Variants in NHSL1 observed in about 807,000 individuals in gnomAD.
NHSL1 encodes the protein NHS like 1.
Under a neutral mutation model 95.0 loss-of-function variants are expected in NHSL1, and 48 were observed. That is an observed-to-expected ratio of 0.51 (90% CI 0.40 to 0.64). The LOEUF is 0.64. Ranked by LOEUF, NHSL1 falls within the 30% of genes least tolerant of loss-of-function variation. NHSL1 has a pLI of 0.00. For synonymous variants in NHSL1, 783 were observed against 833.9 expected (o/e 0.94, Z 1.05); for missense variants, 1,971 against 2,077.7 (o/e 0.95, Z 1.00).
chr6:138,663,431 T>C (rs1346934984), intron 1 of NHSL1, among the ~76,000 whole-genome samples: 1 of 151,364 alleles, frequency 6.6e-6, no homozygotes, highest in Non-Finnish European at 1.5e-5. Flanking sequence ...TGGTGGTGCA[T>C]GCCTGTAATC....
rs148910349 is a variant in NHSL1, at chr6:138,431,135, C to T, written c.3210G>A (p.Thr1070=). 4.7e-4 allele frequency: 732 copies of T among 1,551,704 alleles called. 9 individuals carry two copies. In the East Asian group the frequency reaches 0.015, roughly 33 times the overall value. Residue 1070 remains threonine, a synonymous_variant, in exon 6 of 8, where the codon ACG becomes ACA. Coordinates refer to ENST00000343505, the MANE Select transcript of NHSL1 (RefSeq NM_001144060.2). This position sits in a 1 kb window ranked among gnomAD's most constrained non-coding sequence, Gnocchi z 4.0. ...TCAACTGCACCATCTGCAATGCTTCCGTGGTTATCAGGGGCATGGGGGGCC... is the reference window on the plus strand; with the variant it reads ...TCAACTGCACCATCTGCAATGCTTCTGTGGTTATCAGGGGCATGGGGGGCC... ...TSRPPMPLIT[T]EALQMVQLRP...
chr6:138,512,293 G>A (rs552540405), intron 1 of NHSL1: 185 of 455,522 alleles, frequency 4.1e-4, no homozygotes, highest in Admixed American at 6.4e-4. Flanking sequence ...TGCACCCCAC[G>A]GGAAAGAGGA....
At position 138,432,230 on chromosome 6, in the gene NHSL1, C is replaced by A; in HGVS notation, c.2115G>T (p.Gln705His). 6.5e-7 allele frequency: 1 copy of A among 1,548,540 alleles called. No individual in the cohort carries two copies. The highest frequency in any genetic ancestry group is 1.4e-5 in the African/African-American group (1 of 73,038). The change falls in exon 6 of 8, where the codon CAG (glutamine) becomes CAT (histidine). Residue 705 changes from glutamine to histidine, a missense_variant. Around this residue, in one of 3 missense-constraint regions of NHSL1, gnomAD observed 1,602 missense variants for 1,654.5 expected, o/e 0.97. Transcript: ENST00000343505. The surrounding 1 kb of genome is among the most constrained non-coding windows in gnomAD (Gnocchi z 4.4). Reference sequence around the variant, plus strand: ...CTGGGAGGCTCAGCTGCAGCGAGTGCTGGAGTGTGGCGATCAGGCTCTCGT... The same window carrying A: ...CTGGGAGGCTCAGCTGCAGCGAGTGATGGAGTGTGGCGATCAGGCTCTCGT... ...VLNESLIATL[Q>H]HSLQLSLPGK...
chr6:138,557,915 C>T (rs917544325), intron 1 of NHSL1, among the ~76,000 whole-genome samples: 9 of 152,166 alleles, frequency 5.9e-5, no homozygotes, highest in Non-Finnish European at 1.2e-4. Context: ...TGTAAACAGG[C>T]TCTGGGTGTA....
chr6:138,573,957 G>A (rs1783922488), upstream of NHSL1, among the ~76,000 whole-genome samples: 1 of 150,742 alleles, frequency 6.6e-6, no homozygotes, highest in Non-Finnish European at 1.5e-5. Context: ...TCTTTTTTTT[G>A]AGACAGAGTC....
upstream of NHSL1, among the ~76,000 whole-genome samples, chr6:138,546,964 C>T (rs77069033): frequency 0.095 from 14,510 of 152,242 alleles, 735 homozygotes; most frequent in East Asian, 0.14. Flanking sequence ...TAAGTGGCCC[C>T]GTGGTCCTTC....
intron 1 of NHSL1, among the ~76,000 whole-genome samples, chr6:138,552,932 G>A (rs992398713): frequency 1.3e-5 from 2 of 152,206 alleles, no homozygotes; most frequent in East Asian, 1.9e-4. Context: ...TGGCTGAGAT[G>A]TTTCTTTGAG....
intron 1 of NHSL1, among the ~76,000 whole-genome samples, chr6:138,632,879 G>A (rs1270487155): frequency 6.6e-6 from 1 of 152,032 alleles, no homozygotes; most frequent in Non-Finnish European, 1.5e-5. Context: ...AAGCACCAGG[G>A]ACCAATCCTG....
chr6:138,661,665 TAA>T (rs1204471376), intron 1 of NHSL1, among the ~76,000 whole-genome samples: 1 of 129,112 alleles, frequency 7.7e-6, no homozygotes. Context: ...TTGTCTCAAA[TAA>T]AAAAAAAAAA....
intron 1 of NHSL1, among the ~76,000 whole-genome samples, chr6:138,585,185 G>C (rs1486627580): frequency 5.3e-5 from 8 of 152,228 alleles, no homozygotes; most frequent in Admixed American, 3.9e-4. Flanking sequence ...GGCTAGGCTG[G>C]AAGCAGATGA....
rs543086419 is a variant in NHSL1 at position 138,439,852 on chromosome 6, C to T, written c.664+2131G>A. On this transcript the variant is annotated intron_variant, in intron 5 of 7. Transcript: ENST00000343505. ...CCATGTCACATGTAAAAGAAATGAA[C>T]GTGGATTCCAGAGATTTTAATCACT... 1.1e-4 allele frequency among the ~76,000 whole-genome samples: 17 copies of T among 151,932 alleles called. No homozygotes were observed. In the South Asian group the frequency reaches 3.3e-3, roughly 30 times the overall value.
intron 1 of NHSL1, among the ~76,000 whole-genome samples, chr6:138,566,035 T>C (rs187423139): frequency 3.3e-5 from 5 of 151,968 alleles, no homozygotes; most frequent in African/African-American, 1.2e-4. Context: ...TGGAAATATA[T>C]TTTATAATAA....
rs1330738008 is a variant in NHSL1, at chr6:138,431,457, G to C, written c.2888C>G (p.Ser963Cys). 1 of 1,551,120 alleles carries C rather than the reference G, an allele frequency of 6.4e-7. No homozygotes were observed. ...GAACACAGGAGAGTGAGGCAGAGGA[G>C]AGCCCTGGGAGCAATCTGTGACAGG... ...PPPVTDCSQG[S>C]PLPHSPVFPP... The change falls in exon 6 of 8, where the codon TCT becomes TGT. Residue 963 changes from serine to cysteine, a missense_variant. By Grantham distance (112) the Ser-to-Cys change is moderately radical. Around this residue, in one of 3 missense-constraint regions of NHSL1, gnomAD observed 1,602 missense variants for 1,654.5 expected, o/e 0.97. Coordinates refer to ENST00000343505, the MANE Select transcript of NHSL1 (RefSeq NM_001144060.2). This position sits in a 1 kb window ranked among gnomAD's most constrained non-coding sequence, Gnocchi z 4.0.
intron 1 of NHSL1, among the ~76,000 whole-genome samples, chr6:138,677,681 T>C (rs1019437218): frequency 1.2e-4 from 18 of 152,160 alleles, no homozygotes; most frequent in African/African-American, 4.1e-4. Context: ...TGCTAAGGTG[T>C]CTACGCAGAT....
At chr6:138,610,261 A>C (rs1227280737) in intron 1 of NHSL1, among the ~76,000 whole-genome samples, 1 of 152,132 alleles carries the variant, frequency 6.6e-6, no homozygotes. Context: ...GAGTCCAGAG[A>C]TCATCATTCT....
chr6:138,543,302 G>A (rs1202156858), intron 1 of NHSL1, among the ~76,000 whole-genome samples: 1 of 152,166 alleles, frequency 6.6e-6, no homozygotes, highest in Admixed American at 6.5e-5. Context: ...ACAAAATGCA[G>A]TTGGGAGAAG....
At chr6:138,506,050 C>T (rs1444815631) in intron 1 of NHSL1, among the ~76,000 whole-genome samples, 3 of 152,118 alleles carry the variant, frequency 2.0e-5, no homozygotes, top group Admixed American at 6.5e-5. Flanking sequence ...CTCATTGAAA[C>T]ATTGGAAAAC....
intron 1 of NHSL1, among the ~76,000 whole-genome samples, chr6:138,647,749 C>T (rs117801157): frequency 0.045 from 6,842 of 151,890 alleles, 211 homozygotes; most frequent in South Asian, 0.067. Context: ...TACAGATGCG[C>T]GCCATGCCCG....
chr6:138,439,703 C>G (rs866689017), intron 5 of NHSL1, among the ~76,000 whole-genome samples: 10 of 152,168 alleles, frequency 6.6e-5, no homozygotes, highest in Non-Finnish European at 1.3e-4. Context: ...TCTCAGTTGA[C>G]CTCCAGTTCT....
Sources: gnomAD v4.1 joint callset for allele counts (sites outside exome capture counted in the v4.1 genomes callset) on GRCh38, gnomAD v4.1.1 for gene constraint, gnomAD v4.1.1 regional missense constraint, Gnocchi (gnomAD v3.1) non-coding constraint, MANE v1.5 for transcripts, NCBI Gene and HGNC (gene_info 2026-07-23, HGNC 2026-07-21) for gene names.